The following HES6 variants were observed in gnomAD, a reference collection of about 807,000 sequenced individuals.
HES6 encodes hes family bHLH transcription factor 6.
Under a neutral mutation model 16.4 loss-of-function variants are expected in HES6, and 24 were observed. The ratio of observed to expected loss-of-function variants is 1.46; its 90% confidence interval spans 1.06 to 2.06. The LOEUF (loss-of-function observed/expected upper bound fraction) is 2.06, where lower values mean the gene tolerates loss of function less well. Ranked by LOEUF, HES6 falls within the 30% of genes most tolerant of loss-of-function variation. The pLI is 0.00. For synonymous variants in HES6, 159 were observed against 144.3 expected (o/e 1.10, Z -0.73); for missense variants, 355 against 317.6 (o/e 1.12, Z -0.90).
In HES6 at chr2:238,239,055, C is replaced by T. The variant is rs779495368; in HGVS notation, c.447G>A (p.Leu149=). The change falls in exon 4 of 4, where the codon CTG becomes CTA. Residue 149 remains leucine, a synonymous_variant. Transcript: ENST00000272937. ...GTCCAGGGGCTCTAGGTGGCCCCGC[C>T]AGGGCGTCCCCCAGCAGATCCTGGA... ...SSFQDLLGDA[L]AGPPRAPGRS... The T allele has an allele frequency of 4.3e-6, 7 of 1,612,156 alleles. No homozygotes were observed. In the African/African-American group the frequency reaches 9.3e-5, roughly 21 times the overall value.
intron 1 of HES6, 33 bp from the exon 2 acceptor site, chr2:238,239,780 G>C (rs1695265118): frequency 1.4e-6 from 2 of 1,397,730 alleles, no homozygotes; most frequent in Non-Finnish European, 1.9e-6. Context: ...TCCCAGCCCC[G>C]CACGGCCTCC....
Position 238,239,979 on chromosome 2 carries a change from G to C in HES6, c.-74C>G. 1 of 934,456 alleles carries C rather than the reference G, an allele frequency of 1.1e-6. No individual in the cohort carries two copies. The highest frequency in any genetic ancestry group is 1.4e-6 in the Non-Finnish European group (1 of 735,450). The allele number at this position is 934,456 out of a possible 1,614,324, so 57.9% of individuals were successfully genotyped here. ...GAGCGGCGGGGACCGGAGTGCCGGC[G>C]CCCTCCGCTGCCCCGCGGCCGCCCA... On this transcript the variant is annotated 5_prime_UTR_variant, in exon 1 of 4. Coordinates refer to ENST00000272937, the MANE Select transcript of HES6 (RefSeq NM_018645.6).
Position 238,239,100 on chromosome 2 carries a change from C to T in HES6, c.402G>A (p.Pro134=), listed in dbSNP as rs769731885. 2.7e-5 allele frequency: 44 copies of T among 1,612,472 alleles called. No homozygotes were observed. Among genetic ancestry groups the T allele is most frequent in the Non-Finnish European group, 3.4e-5 (40 of 1,179,930 alleles). ...ELLNHLLESM[P]LREGSSFQDL... ...CCTGGAAGCTGCTGCCCTCACGCAG[C>T]GGCATGGACTCGAGCAGATGGTTCA... The change falls in exon 4 of 4, where the codon CCG becomes CCA. Residue 134 remains proline, a synonymous_variant. Coordinates refer to ENST00000272937, the MANE Select transcript of HES6 (RefSeq NM_018645.6).
chr2:238,239,765 C>G lies in HES6; in HGVS notation c.82-18G>C, dbSNP rs749676620. ...TTCCGGGCCTGCGGGGAGCGGGGCA[C>G]TGAATCCCAGCCCCGCACGGCCTCC... On this transcript the variant is annotated intron_variant, in intron 1 of 3. Coordinates refer to ENST00000272937, the MANE Select transcript of HES6 (RefSeq NM_018645.6). 1.4e-6 allele frequency: 2 copies of G among 1,399,144 alleles called. No homozygotes were observed. Among genetic ancestry groups the G allele is most frequent in the South Asian group, 3.1e-5 (2 of 64,928 alleles). The allele number at this position is 1,399,144 out of a possible 1,614,324, so 86.7% of individuals were successfully genotyped here. A position where few individuals can be genotyped will look rare whatever the true frequency, so the allele number is the denominator to read the frequency against.
Position 238,239,517 on chromosome 2 carries a change from C to T in HES6, c.220G>A (p.Val74Ile). The change falls in exon 3 of 4, where the codon GTC becomes ATC. Residue 74 changes from valine (V) to isoleucine (I), a missense_variant. Transcript: ENST00000272937. ...GCCCGGCCCCGCAGCACACCCTGGA[C>T]CCGCCGCACCGTCAGCTCCAGCACT... is the stretch of plus-strand genomic sequence containing the variant. ...AEVLELTVRR[V>I]QGVLRGRARE... 2 of 1,329,928 alleles carry T rather than the reference C, an allele frequency of 1.5e-6. No homozygotes were observed. The highest frequency in any genetic ancestry group is 1.9e-6 in the Non-Finnish European group (2 of 1,038,070). The allele number at this position is 1,329,928 out of a possible 1,614,324, so 82.4% of individuals were successfully genotyped here. A position where few individuals can be genotyped will look rare whatever the true frequency, so the allele number is the denominator to read the frequency against.
Position 238,239,130 on chromosome 2 carries a change from C to G in HES6, c.372G>C (p.Glu124Asp). ...CQAIDATVAAELLNHLLESMP... is the reference protein window; with the variant it reads ...CQAIDATVAADLLNHLLESMP... ...TGGACTCGAGCAGATGGTTCAGGAGCTCGGCAGCGACGGTAGCGTCGATGG... is the reference window on the plus strand; with the variant it reads ...TGGACTCGAGCAGATGGTTCAGGAGGTCGGCAGCGACGGTAGCGTCGATGG... The change falls in exon 4 of 4, where the codon GAG (glutamate) becomes GAC (aspartate). Residue 124 changes from glutamate (E) to aspartate (D), a missense_variant. By Grantham distance (45) the Glu-to-Asp change is conservative (BLOSUM62 2). Coordinates refer to ENST00000272937, the MANE Select transcript of HES6 (RefSeq NM_018645.6). 1.2e-6 allele frequency: 2 copies of G among 1,612,636 alleles called. No homozygotes were observed. The highest frequency in any genetic ancestry group is 1.6e-4 in the Middle Eastern group (1 of 6,062).
chr2:238,239,609 C>A, intron 2 of HES6, 41 bp from the exon 3 acceptor site: 1 of 1,145,582 alleles, frequency 8.7e-7, no homozygotes, highest in South Asian at 3.9e-5. Flanking sequence ...AGCGCGCTCC[C>A]GGACCCGCCC....
Position 238,239,465 on chromosome 2 carries a change from C to A in HES6, c.250+22G>T, listed in dbSNP as rs761947696. On this transcript the variant is annotated intron_variant, in intron 3 of 3. Coordinates refer to ENST00000272937, the MANE Select transcript of HES6 (RefSeq NM_018645.6). ...TACAGGCGCCCGCGGCCGGCGCCCC[C>A]GCCCGCCCCGCCGCCACTCACCGCG... The A allele has an allele frequency of 1.8e-5, 23 of 1,280,502 alleles. No individual in the cohort carries two copies. In the South Asian group the frequency reaches 4.0e-4, roughly 23 times the overall value. 79.3% of individuals were successfully genotyped at this position (1,280,502 alleles called of 1,614,324 possible).
In HES6 at chr2:238,238,614, G is replaced by A. The variant is rs1438741987; in HGVS notation, c.*213C>T. ...TAGCTCCCTCCCTCCACCCACTCCA[G>A]AGCTGCAGGGTCCCTAAAAGTTTCT... On this transcript the variant is annotated 3_prime_UTR_variant, in exon 4 of 4. Coordinates refer to ENST00000272937, the MANE Select transcript of HES6 (RefSeq NM_018645.6). The A allele has an allele frequency of 1.2e-5, 7 of 580,998 alleles. No homozygotes were observed. The East Asian group carries it at 2.1e-4, about 17-fold the overall frequency. The allele number at this position is 580,998 out of a possible 1,614,324, so 36.0% of individuals were successfully genotyped here.
Position 238,239,013 on chromosome 2 carries a change from C to A in HES6, c.489G>T (p.Ala163=). ...PRAPGRSGWP[A]GGAPGSPIPS... is the part of the protein sequence containing the mutation. ...GTATTGGGGATCCCGGAGCGCCCCC[C>A]GCAGGCCAGCCACTCCGTCCAGGGG... Residue 163 remains alanine (A), a synonymous_variant, in exon 4 of 4, where the codon GCG becomes GCT. Coordinates refer to ENST00000272937, the MANE Select transcript of HES6 (RefSeq NM_018645.6). 3 of 1,608,000 alleles carry A rather than the reference C, an allele frequency of 1.9e-6. No homozygotes were observed. The highest frequency in any genetic ancestry group is 1.1e-5 in the South Asian group (1 of 90,716).
chr2:238,240,005 G>T lies in HES6; in HGVS notation c.-100C>A. On this transcript the variant is annotated 5_prime_UTR_variant, in exon 1 of 4. The change creates a new upstream start codon in the 5' untranslated region. Coordinates refer to ENST00000272937, the MANE Select transcript of HES6 (RefSeq NM_018645.6). ...CCCTCCGCTGCCCCGCGGCCGCCCA[G>T]CAGCAGCCCAGCCGTCCGCGCTCCT... 1 of 681,766 alleles carries T rather than the reference G, an allele frequency of 1.5e-6. No individual in the cohort carries two copies. Among genetic ancestry groups the T allele is most frequent in the Non-Finnish European group, 2.0e-6 (1 of 510,914 alleles). The allele number at this position is 681,766 out of a possible 1,614,324, so 42.2% of individuals were successfully genotyped here.
Position 238,238,863 on chromosome 2 carries a change from T to C in HES6, c.639A>G (p.Thr213=). 2 of 1,576,552 alleles carry C rather than the reference T, an allele frequency of 1.3e-6. No homozygotes were observed. Among genetic ancestry groups the C allele is most frequent in the Non-Finnish European group, 1.7e-6 (2 of 1,165,774 alleles). The change falls in exon 4 of 4, where the codon ACA becomes ACG. Residue 213 remains threonine (T), a synonymous_variant. Transcript: ENST00000272937. ...TCCAGACACTCCGGGCAATTTGGGC[T>C]GTGGTCAGGCTGCCCAGGGCTGCGG... ...LVPAALGSLT[T]AQIARSVWRP...
Position 238,238,801 on chromosome 2 carries a change from C to A in HES6, c.*26G>T, listed in dbSNP as rs1448557306. 4 of 1,539,464 alleles carry A rather than the reference C, an allele frequency of 2.6e-6. No individual in the cohort carries two copies. Among genetic ancestry groups the A allele is most frequent in the Non-Finnish European group, 2.6e-6 (3 of 1,148,884 alleles). On this transcript the variant is annotated 3_prime_UTR_variant, in exon 4 of 4. Coordinates refer to ENST00000272937, the MANE Select transcript of HES6 (RefSeq NM_018645.6). ...GAGATCCAGGGAGGGCCGGGCCCAC[C>A]CCCGCAGGACTCTGGCTGGCATTGG... is the stretch of plus-strand genomic sequence containing the variant.
intron 2 of HES6, 43 bp from the exon 3 acceptor site, chr2:238,239,611 G>GGGGGGCCCCCCCCCC: frequency 2.6e-6 from 3 of 1,135,680 alleles, no homozygotes; most frequent in Non-Finnish European, 3.2e-6. Flanking sequence ...CGCGCTCCCG[G>GGGGGGCCCCCCCCCC]ACCCGCCCGC....
Position 238,238,706 on chromosome 2 carries a change from G to T in HES6, c.*121C>A. ...GCTGCCCTGCAAGCCATCCATCAGAGGAGGGAGGGAAGACCTGGGAGACTT... is the reference window on the plus strand; with the variant it reads ...GCTGCCCTGCAAGCCATCCATCAGATGAGGGAGGGAAGACCTGGGAGACTT... On this transcript the variant is annotated 3_prime_UTR_variant, in exon 4 of 4. Coordinates refer to ENST00000272937, the MANE Select transcript of HES6 (RefSeq NM_018645.6). 1 of 976,108 alleles carries T rather than the reference G, an allele frequency of 1.0e-6. No individual in the cohort carries two copies. Among genetic ancestry groups the T allele is most frequent in the Non-Finnish European group, 1.5e-6 (1 of 662,436 alleles). The allele number at this position is 976,108 out of a possible 1,614,324, so 60.5% of individuals were successfully genotyped here. A position where few individuals can be genotyped will look rare whatever the true frequency, so the allele number is the denominator to read the frequency against.
intron 3 of HES6, 50 bp from the exon 4 acceptor site, chr2:238,239,301 C>T: frequency 1.3e-6 from 2 of 1,562,032 alleles, no homozygotes; most frequent in South Asian, 1.1e-5. Flanking sequence ...CGGTGAGCGG[C>T]GACTGCGTGG....
At chr2:238,239,611 G>GGGGGGCCC in intron 2 of HES6, 43 bp from the exon 3 acceptor site, 21 of 1,135,510 alleles carry the variant, frequency 1.8e-5, no homozygotes, top group East Asian at 4.6e-5. Flanking sequence ...CGCGCTCCCG[G>GGGGGGCCC]ACCCGCCCGC....
chr2:238,239,226 C>A lies in HES6; in HGVS notation c.276G>T (p.Ala92=), dbSNP rs1410190746. The change falls in exon 4 of 4, where the codon GCG becomes GCT. Residue 92 remains alanine (A), a synonymous_variant. Transcript: ENST00000272937. ...TGTAGCCGGCAGCGAAGCGCTCGCT[C>A]GCTTCCGCCTGCAGCTGCTCGCGCT... ...AREREQLQAE[A]SERFAAGYIQ... The A allele has an allele frequency of 3.1e-6, 5 of 1,608,800 alleles. No homozygotes were observed. The African/African-American group carries it at 6.7e-5, about 21-fold the overall frequency.
Position 238,238,756 on chromosome 2 carries a change from G to T in HES6, c.*71C>A, listed in dbSNP as rs1169182775. On this transcript the variant is annotated 3_prime_UTR_variant, in exon 4 of 4. Coordinates refer to ENST00000272937, the MANE Select transcript of HES6 (RefSeq NM_018645.6). Reference sequence around the variant, plus strand: ...TCCAGGGCCCTACCCCACCACATCTGAACCCCTGGGAGGAGGGAGGAGATC... The same window carrying T: ...TCCAGGGCCCTACCCCACCACATCTTAACCCCTGGGAGGAGGGAGGAGATC... 5.6e-6 allele frequency: 8 copies of T among 1,433,302 alleles called. No homozygotes were observed. In the Admixed American group the frequency reaches 6.4e-5, roughly 11 times the overall value. 88.8% of individuals were successfully genotyped at this position (1,433,302 alleles called of 1,614,324 possible). A position where few individuals can be genotyped will look rare whatever the true frequency, so the allele number is the denominator to read the frequency against.
Sources: gnomAD v4.1 joint callset for allele counts on GRCh38, gnomAD v4.1.1 for gene constraint, MANE v1.5 for transcripts, NCBI Gene and HGNC (gene_info 2026-07-23, HGNC 2026-07-21) for gene names.